The following AGBL1 variants were observed in gnomAD, a reference collection of about 807,000 sequenced individuals.
AGBL1 encodes cytosolic carboxypeptidase 4.
In AGBL1, 130 loss-of-function variants were observed where a neutral mutation model predicts 118.9. That is an observed-to-expected ratio of 1.09 (90% CI 0.95 to 1.26). The LOEUF (loss-of-function observed/expected upper bound fraction) is 1.26, where lower values mean the gene tolerates loss of function less well. Ranked by LOEUF, AGBL1 falls within the 50% of genes most tolerant of loss-of-function variation. AGBL1 has a pLI of 0.00. For synonymous variants in AGBL1, 555 were observed against 478.9 expected, an observed-to-expected ratio of 1.16 and a Z score of -2.08; for missense variants, 1,584 against 1,298.1, an observed-to-expected ratio of 1.22 and a Z score of -3.38.
intron 22 of AGBL1, among the ~76,000 whole-genome samples, chr15:86,869,367 C>G (rs552523935): frequency 1.3e-5 from 2 of 152,310 alleles, no homozygotes; most frequent in South Asian, 4.1e-4. Flanking sequence ...CTCTCCTCCT[C>G]TCTGCCTCAG....
chr15:86,538,761 A>G (rs911793557), intron 19 of AGBL1, among the ~76,000 whole-genome samples: 1 of 152,268 alleles, frequency 6.6e-6, no homozygotes, highest in Non-Finnish European at 1.5e-5. Flanking sequence ...AAAGCACAGC[A>G]GTTTACATTG....
chr15:86,928,847 A>G (rs1279282718), intron 23 of AGBL1, among the ~76,000 whole-genome samples: 2 of 147,408 alleles, frequency 1.4e-5, no homozygotes, highest in Non-Finnish European at 3.0e-5. Context: ...AAGCTGTGTT[A>G]ATTTATAATT....
intron 24 of AGBL1, among the ~76,000 whole-genome samples, chr15:87,019,228 CAA>C (rs953124304): frequency 5.9e-5 from 9 of 152,104 alleles, no homozygotes; most frequent in African/African-American, 2.2e-4. Flanking sequence ...AGAAAATTAG[CAA>C]AGATACTCAG....
At chr15:86,727,030 C>A (rs577516058) in intron 22 of AGBL1, among the ~76,000 whole-genome samples, 2 of 152,222 alleles carry the variant, frequency 1.3e-5, no homozygotes, top group East Asian at 3.9e-4. Context: ...TATTAAAATG[C>A]AGAACACGTT....
At chr15:86,125,258 C>G (rs982425241) in intron 1 of AGBL1, among the ~76,000 whole-genome samples, 6 of 152,136 alleles carry the variant, frequency 3.9e-5, no homozygotes, top group Non-Finnish European at 7.4e-5. Context: ...ACTGTTGCCT[C>G]TATTTGGAAA....
At chr15:86,962,848 C>T (rs1182774827) in intron 23 of AGBL1, among the ~76,000 whole-genome samples, 1 of 152,000 alleles carries the variant, frequency 6.6e-6, no homozygotes, top group Non-Finnish European at 1.5e-5. Flanking sequence ...CTGCAACATC[C>T]CCAGCTGATT....
chr15:86,826,705 G>A (rs1296265234), intron 22 of AGBL1, among the ~76,000 whole-genome samples: 2 of 152,116 alleles, frequency 1.3e-5, no homozygotes, highest in African/African-American at 4.8e-5. Context: ...CACTAACACA[G>A]TAAGAAATGC....
intron 21 of AGBL1, among the ~76,000 whole-genome samples, chr15:86,626,841 T>C (rs1445683648): frequency 3.4e-5 from 5 of 148,724 alleles, no homozygotes; most frequent in East Asian, 3.9e-4. Flanking sequence ...CTTTTCTTTT[T>C]TTTTTTTTTT....
intron 23 of AGBL1, among the ~76,000 whole-genome samples, chr15:86,948,632 G>T (rs1355255860): frequency 6.6e-6 from 1 of 152,186 alleles, no homozygotes; most frequent in African/African-American, 2.4e-5. Context: ...TGCGTGTGAT[G>T]AGTATGTCTT....
At chr15:86,926,850 C>A (rs1300271379) in intron 23 of AGBL1, among the ~76,000 whole-genome samples, 3 of 152,134 alleles carry the variant, frequency 2.0e-5, no homozygotes, top group Non-Finnish European at 4.4e-5. Context: ...TCAATAAAAT[C>A]TCCACTCAGG....
chr15:86,427,716 A>T (rs1326808627), intron 18 of AGBL1, among the ~76,000 whole-genome samples: 1 of 152,210 alleles, frequency 6.6e-6, no homozygotes, highest in Admixed American at 6.5e-5. Context: ...ACTGTAGATG[A>T]TATATTATGT....
chr15:86,193,553 G>A (rs78568599), intron 5 of AGBL1, among the ~76,000 whole-genome samples: 4,091 of 152,230 alleles, frequency 0.027, 75 homozygotes, highest in East Asian at 0.073. Flanking sequence ...CTTAATGTCA[G>A]GCTTGGGGTG....
chr15:86,134,962 A>G (rs2076869860), intron 1 of AGBL1, among the ~76,000 whole-genome samples: 1 of 151,500 alleles, frequency 6.6e-6, no homozygotes, highest in South Asian at 2.1e-4. Flanking sequence ...TGTTTTGAAT[A>G]TGATTTGTTT....
chr15:86,583,360 G>T (rs567388491), intron 21 of AGBL1, among the ~76,000 whole-genome samples: 2 of 152,074 alleles, frequency 1.3e-5, no homozygotes, highest in Admixed American at 6.6e-5. Context: ...CCTCTCTCCA[G>T]TGTCTATTAT....
chr15:86,609,979 G>A (rs1012791396), intron 21 of AGBL1, among the ~76,000 whole-genome samples: 1 of 152,140 alleles, frequency 6.6e-6, no homozygotes, highest in Admixed American at 6.6e-5. Context: ...CACCACTTGT[G>A]CAAGTTCACA....
chr15:86,856,276 T>G (rs1226248221), intron 22 of AGBL1, among the ~76,000 whole-genome samples: 1 of 152,352 alleles, frequency 6.6e-6, no homozygotes, highest in East Asian at 1.9e-4. Context: ...CCTCTTTCTC[T>G]GAGTGTGCTT....
intron 1 of AGBL1, among the ~76,000 whole-genome samples, chr15:86,118,140 C>G (rs939536035): frequency 6.6e-6 from 1 of 152,178 alleles, no homozygotes; most frequent in African/African-American, 2.4e-5. Flanking sequence ...ATGGCCCTCA[C>G]CTTTTCCCAG....
chr15:86,497,189 T>C (rs1477327171), intron 18 of AGBL1, among the ~76,000 whole-genome samples: 1 of 152,144 alleles, frequency 6.6e-6, no homozygotes, highest in Non-Finnish European at 1.5e-5. Context: ...ATTCAGTAGT[T>C]ATATAAATTT....
intron 22 of AGBL1, among the ~76,000 whole-genome samples, chr15:86,892,251 A>C (rs1445142897): frequency 6.6e-6 from 1 of 152,028 alleles, no homozygotes; most frequent in Non-Finnish European, 1.5e-5. Context: ...TTTGGACTGC[A>C]TCTCCCCACA....
Sources: gnomAD v4.1 joint callset for allele counts (sites outside exome capture counted in the v4.1 genomes callset) on GRCh38, gnomAD v4.1.1 for gene constraint, MANE v1.5 for transcripts, NCBI Gene and HGNC (gene_info 2026-07-23, HGNC 2026-07-21) for gene names.